The following LMBR1 variants were observed in gnomAD, a reference collection of about 807,000 sequenced individuals.
LMBR1 encodes limb region 1 protein homolog.
LMBR1 carries 52 observed loss-of-function variants against 73.9 expected under a neutral mutation model. That is an observed-to-expected ratio of 0.70 (90% CI 0.56 to 0.89). The LOEUF is 0.89. LMBR1 is among the 40% of genes least tolerant of loss of function. The probability of loss-of-function intolerance (pLI) is 0.00; values close to 1 mark genes in which losing one functional copy is unlikely to be tolerated. For synonymous variants in LMBR1, 215 were observed against 209.4 expected, an observed-to-expected ratio of 1.03 and a Z score of -0.23; for missense variants, 539 against 579.8, an observed-to-expected ratio of 0.93 and a Z score of 0.72.
At chr7:156,841,928 T>G (rs370070094) in intron 1 of LMBR1, among the ~76,000 whole-genome samples, 1 of 140,116 alleles carries the variant, frequency 7.1e-6, no homozygotes, top group Admixed American at 7.2e-5. Flanking sequence ...GAGAGAAAAA[T>G]TATTGATGCA....
At chr7:156,799,280 C>T (rs1387281364) in intron 4 of LMBR1, among the ~76,000 whole-genome samples, 1 of 152,086 alleles carries the variant, frequency 6.6e-6, no homozygotes, top group Non-Finnish European at 1.5e-5. Flanking sequence ...TTTGCAGATA[C>T]CGTGTGACGG....
At chr7:156,867,870 G>C (rs1432811261) in intron 1 of LMBR1, among the ~76,000 whole-genome samples, 2 of 152,080 alleles carry the variant, frequency 1.3e-5, no homozygotes, top group African/African-American at 4.8e-5. Context: ...GGCTGTCCAA[G>C]TCTGTGGATA....
chr7:156,721,272 A>G (rs2132326708), intron 15 of LMBR1, among the ~76,000 whole-genome samples: 1 of 152,270 alleles, frequency 6.6e-6, no homozygotes, highest in East Asian at 1.9e-4. Flanking sequence ...TTTGCATTTG[A>G]GAAAAATTTT....
At chr7:156,720,842 T>A (rs1422907806) in intron 15 of LMBR1, among the ~76,000 whole-genome samples, 1 of 152,076 alleles carries the variant, frequency 6.6e-6, no homozygotes, top group Non-Finnish European at 1.5e-5. Flanking sequence ...CATTTCACAT[T>A]TGTCATTGCT....
chr7:156,756,587 A>G (rs1821920826), intron 8 of LMBR1, 122 bp from the exon 9 acceptor site: 1 of 596,584 alleles, frequency 1.7e-6, no homozygotes, highest in African/African-American at 1.9e-5. Flanking sequence ...CTAAGAACAC[A>G]AAACAAAAAA....
intron 4 of LMBR1, among the ~76,000 whole-genome samples, chr7:156,803,261 G>A (rs1287533656): frequency 6.6e-6 from 1 of 151,900 alleles, no homozygotes; most frequent in Non-Finnish European, 1.5e-5. Context: ...ATCTGACAAA[G>A]GGCTAATATC....
chr7:156,824,784 G>A (rs1156974598), intron 4 of LMBR1, among the ~76,000 whole-genome samples: 1 of 151,768 alleles, frequency 6.6e-6, no homozygotes. Context: ...GGTGGAGCCT[G>A]CAGACAGCCA....
intron 9 of LMBR1, among the ~76,000 whole-genome samples, chr7:156,739,762 C>G (rs1294176817): frequency 6.6e-6 from 1 of 152,144 alleles, no homozygotes; most frequent in African/African-American, 2.4e-5. Flanking sequence ...TCCGGAAAGC[C>G]TTCCCAAGAA....
At chr7:156,793,244 T>C (rs964474923) in intron 5 of LMBR1, among the ~76,000 whole-genome samples, 1 of 152,182 alleles carries the variant, frequency 6.6e-6, no homozygotes, top group African/African-American at 2.4e-5. Context: ...CACAGGTAGT[T>C]AACAAATGAT....
chr7:156,755,727 TATA>T (rs1439220582), intron 9 of LMBR1, among the ~76,000 whole-genome samples: 5 of 152,250 alleles, frequency 3.3e-5, no homozygotes, highest in Non-Finnish European at 7.3e-5. Flanking sequence ...TATCGAATTA[TATA>T]ATGTTACTGA....
Position 156,893,145 on chromosome 7 carries a change from G to A in LMBR1, c.-152C>T, listed in dbSNP as rs1803488831. ...GAACAGGTACCGCGACCACGACACC[G>A]GCCGTCGCCTCAGCAGCCTCAGACG... is the stretch of plus-strand genomic sequence containing the variant. On this transcript the variant is annotated 5_prime_UTR_variant, in exon 1 of 17. Coordinates refer to ENST00000353442, the MANE Select transcript of LMBR1 (RefSeq NM_022458.4). The A allele has an allele frequency of 9.0e-6, 6 of 664,360 alleles. No homozygotes were observed. The highest frequency in any genetic ancestry group is 3.8e-5 in the African/African-American group (2 of 52,196). 41.2% of individuals were successfully genotyped at this position (664,360 alleles called of 1,614,324 possible).
intron 4 of LMBR1, among the ~76,000 whole-genome samples, chr7:156,797,439 T>G (rs1328823671): frequency 6.6e-6 from 1 of 152,238 alleles, no homozygotes. Flanking sequence ...ATGAACTGTT[T>G]GCCATTATAA....
intron 1 of LMBR1, among the ~76,000 whole-genome samples, chr7:156,843,061 A>G (rs749131826): frequency 2.0e-5 from 3 of 152,128 alleles, no homozygotes; most frequent in Non-Finnish European, 4.4e-5. Context: ...ACACTTCATG[A>G]TTTTTGCTGA....
chr7:156,839,055 T>C (rs1838179000), intron 1 of LMBR1, among the ~76,000 whole-genome samples: 1 of 149,114 alleles, frequency 6.7e-6, no homozygotes, highest in Admixed American at 6.7e-5. Flanking sequence ...TGCTTTTTTT[T>C]TTTTTTTTTT....
chr7:156,780,270 C>T (rs922692257), intron 5 of LMBR1, among the ~76,000 whole-genome samples: 6 of 152,210 alleles, frequency 3.9e-5, no homozygotes, highest in Admixed American at 3.9e-4. Flanking sequence ...GCTGTTAAAG[C>T]TGGACAAAAA....
chr7:156,779,849 A>T (rs1406961674), intron 5 of LMBR1: 1 of 361,422 alleles, frequency 2.8e-6, no homozygotes, highest in Non-Finnish European at 5.5e-6. Flanking sequence ...TTTTCACTTA[A>T]CAAAAAGGGT....
intron 15 of LMBR1, among the ~76,000 whole-genome samples, chr7:156,715,082 G>C (rs1812929534): frequency 6.6e-6 from 1 of 151,540 alleles, no homozygotes; most frequent in Non-Finnish European, 1.5e-5. Context: ...CTTCCAAGTA[G>C]CTGGGATTAC....
At chr7:156,769,639 C>A (rs1319616208) in intron 5 of LMBR1, among the ~76,000 whole-genome samples, 1 of 152,200 alleles carries the variant, frequency 6.6e-6, no homozygotes, top group African/African-American at 2.4e-5. Flanking sequence ...GCAGGAGACA[C>A]AAGACTCCTG....
At chr7:156,739,526 C>T (rs911241486) in intron 9 of LMBR1, among the ~76,000 whole-genome samples, 22 of 152,184 alleles carry the variant, frequency 1.4e-4, no homozygotes, top group African/African-American at 5.1e-4. Context: ...TCTCACCCAG[C>T]GTAGTCCCAG....
Sources: gnomAD v4.1 joint callset for allele counts (sites outside exome capture counted in the v4.1 genomes callset) on GRCh38, gnomAD v4.1.1 for gene constraint, MANE v1.5 for transcripts, NCBI Gene and HGNC (gene_info 2026-07-23, HGNC 2026-07-21) for gene names.